RYK: variants seen among roughly 807,000 people sequenced by gnomAD.
RYK encodes the protein receptor like tyrosine kinase.
Under a neutral mutation model 70.2 loss-of-function variants are expected in RYK, and 21 were observed. That is an observed-to-expected ratio of 0.30 (90% CI 0.21 to 0.43). RYK has a LOEUF of 0.43. RYK is among the 20% of genes least tolerant of loss of function. The pLI is 1.00. For missense variants in RYK, 604 were observed against 753.3 expected (o/e 0.80, Z 2.32); for synonymous variants, 267 against 278.0 (o/e 0.96, Z 0.39).
At chr3:134,205,416 G>C (rs141452874) in intron 5 of RYK, among the ~76,000 whole-genome samples, 364 of 152,290 alleles carry the variant, frequency 2.4e-3, no homozygotes, top group African/African-American at 8.2e-3. Context: ...AGCTAGACTT[G>C]GCTGTAGCCT....
intron 1 of RYK, among the ~76,000 whole-genome samples, chr3:134,228,888 T>C (rs2014979968): frequency 6.6e-6 from 1 of 152,264 alleles, no homozygotes; most frequent in East Asian, 1.9e-4. Flanking sequence ...AAATGATAAA[T>C]GTATCACGTG....
chr3:134,167,752 A>G (rs1014240571), intron 13 of RYK, among the ~76,000 whole-genome samples: 2 of 152,246 alleles, frequency 1.3e-5, no homozygotes, highest in Non-Finnish European at 2.9e-5. Flanking sequence ...AGCAATGGCA[A>G]CAAAAGCCAA....
In RYK at chr3:134,250,507, G is replaced by A. The variant is rs916328916; in HGVS notation, c.148C>T (p.Pro50Ser). ...PAPGAAAAPAPRPPELQSASA... is the reference protein window; with the variant it reads ...PAPGAAAAPASRPPELQSASA... The stretch of plus-strand genomic sequence containing the variant: ...GCCGACTGCAGCTCCGGGGGCCGCG[G>A]GGCGGGGGCGGCGGCAGCGCCAGGC... The change falls in exon 1 of 15, where the codon CCG becomes TCG. Residue 50 changes from proline (P) to serine (S), a missense_variant. Around this residue, in one of 2 missense-constraint regions of RYK, gnomAD observed 466 missense variants for 535.9 expected, o/e 0.87. Coordinates refer to ENST00000623711, the MANE Select transcript of RYK (RefSeq NM_002958.4). The A allele has an allele frequency of 2.4e-6, 3 of 1,253,740 alleles. No individual in the cohort carries two copies. Among genetic ancestry groups the A allele is most frequent in the Non-Finnish European group, 3.0e-6 (3 of 998,568 alleles). 77.7% of individuals were successfully genotyped at this position (1,253,740 alleles called of 1,614,324 possible).
Position 134,202,657 on chromosome 3 carries a change from G to A in RYK, c.788+73C>T, listed in dbSNP as rs570118377. The stretch of plus-strand genomic sequence containing the variant: ...TCCTTTCCCTGCACCACTGTGCATC[G>A]ATGTGTATGGGCTCCCACATATATA... On this transcript the variant is annotated intron_variant, in intron 6 of 14. Coordinates refer to ENST00000623711, the MANE Select transcript of RYK (RefSeq NM_002958.4). 14 of 1,337,840 alleles carry A rather than the reference G, an allele frequency of 1.0e-5. No individual in the cohort carries two copies. In the East Asian group the frequency reaches 1.9e-4, roughly 18 times the overall value. The allele number at this position is 1,337,840 out of a possible 1,614,324, so 82.9% of individuals were successfully genotyped here.
chr3:134,175,471 TACAC>T (rs2013065799), intron 13 of RYK, 134 bp downstream of exon 13: 9 of 960,120 alleles, frequency 9.4e-6, no homozygotes, highest in Non-Finnish European at 1.3e-5. Flanking sequence ...GGCAGCTAAT[TACAC>T]TTGCTTTCTG....
intron 8 of RYK, among the ~76,000 whole-genome samples, chr3:134,191,281 G>A (rs1303062865): frequency 6.6e-6 from 1 of 152,130 alleles, no homozygotes; most frequent in Non-Finnish European, 1.5e-5. Context: ...ACTAACACCT[G>A]GCAAACACTA....
intron 13 of RYK, among the ~76,000 whole-genome samples, chr3:134,168,024 T>C (rs2012748144): frequency 6.6e-6 from 1 of 152,186 alleles, no homozygotes; most frequent in South Asian, 2.1e-4. Flanking sequence ...GAAAAAATGC[T>C]CATCATCACT....
intron 9 of RYK, among the ~76,000 whole-genome samples, chr3:134,187,059 C>G (rs1656096481): frequency 6.6e-6 from 1 of 151,974 alleles, no homozygotes; most frequent in African/African-American, 2.4e-5. Context: ...TAAATATTAC[C>G]CTTTAAAAGT....
chr3:134,244,680 CA>C (rs761889032), intron 1 of RYK, among the ~76,000 whole-genome samples: 3 of 152,210 alleles, frequency 2.0e-5, no homozygotes, highest in Non-Finnish European at 4.4e-5. Context: ...AGAACTTATA[CA>C]CTTCCATCAG....
At chr3:134,222,823 C>A (rs921399627) in intron 1 of RYK, among the ~76,000 whole-genome samples, 4 of 152,118 alleles carry the variant, frequency 2.6e-5, no homozygotes, top group Admixed American at 2.0e-4. Context: ...CTTCTGAGGG[C>A]CAGTGTGATG....
chr3:134,205,137 T>C (rs573074720), intron 5 of RYK, among the ~76,000 whole-genome samples: 23 of 152,066 alleles, frequency 1.5e-4, no homozygotes, highest in African/African-American at 5.3e-4. Context: ...AATAAGCAGG[T>C]TGGGGATGTG....
intron 13 of RYK, among the ~76,000 whole-genome samples, chr3:134,165,650 TGA>T (rs1035988960): frequency 3.3e-5 from 5 of 152,164 alleles, no homozygotes; most frequent in African/African-American, 1.2e-4. Context: ...TCCACCTAGC[TGA>T]GAGATGATGT....
At chr3:134,207,880 T>G (rs2107677807) in intron 4 of RYK, among the ~76,000 whole-genome samples, 1 of 152,320 alleles carries the variant, frequency 6.6e-6, no homozygotes, top group Admixed American at 6.5e-5. Context: ...ATTCCCATCC[T>G]CATATGATAA....
At chr3:134,195,693 T>A (rs1236071669) in intron 6 of RYK, among the ~76,000 whole-genome samples, 5 of 152,212 alleles carry the variant, frequency 3.3e-5, no homozygotes, top group Non-Finnish European at 5.9e-5. Flanking sequence ...ACGCCTGTAA[T>A]CCCAACACTT....
chr3:134,215,329 G>C (rs913731549), intron 2 of RYK, among the ~76,000 whole-genome samples: 3 of 152,182 alleles, frequency 2.0e-5, no homozygotes, highest in Admixed American at 6.5e-5. Flanking sequence ...TGGCCAATGA[G>C]GGCACAGGGA....
At chr3:134,195,266 G>T in intron 6 of RYK, 84 bp from the exon 7 acceptor site, 1 of 930,596 alleles carries the variant, frequency 1.1e-6, no homozygotes, top group South Asian at 1.4e-5. Flanking sequence ...AATGCACATA[G>T]CCATTAAAAC....
chr3:134,211,476 T>C (rs1456442055), intron 3 of RYK, 32 bp downstream of exon 3: 2 of 1,507,336 alleles, frequency 1.3e-6, no homozygotes, highest in Admixed American at 3.5e-5. Flanking sequence ...TGAAAAAGTA[T>C]GTTAACTCTG....
intron 6 of RYK, among the ~76,000 whole-genome samples, chr3:134,195,945 CAA>C (rs146683719): frequency 9.8e-5 from 14 of 142,486 alleles, no homozygotes; most frequent in Middle Eastern, 3.7e-3. Context: ...CAGTCCATCT[CAA>C]AAAAAAAAAA....
At chr3:134,179,145 T>A (rs893199126) in intron 10 of RYK, 1 of 152,152 alleles carries the variant, frequency 6.6e-6, no homozygotes, top group Non-Finnish European at 1.5e-5. Flanking sequence ...AAAATTCCCA[T>A]TTGCAAGATA....
Sources: gnomAD v4.1 joint callset for allele counts (sites outside exome capture counted in the v4.1 genomes callset) on GRCh38, gnomAD v4.1.1 for gene constraint, gnomAD v4.1.1 regional missense constraint, MANE v1.5 for transcripts, NCBI Gene and HGNC (gene_info 2026-07-23, HGNC 2026-07-21) for gene names.